MAP3K14: variants seen among roughly 807,000 people sequenced by gnomAD.
The protein encoded by MAP3K14 is NF-kappa-beta-inducing kinase.
Under a neutral mutation model 99.2 loss-of-function variants are expected in MAP3K14, and 16 were observed. The ratio of observed to expected loss-of-function variants is 0.16; its 90% CI spans 0.11 to 0.24. MAP3K14 has a LOEUF of 0.24. MAP3K14 is among the 10% of genes least tolerant of loss of function. The probability of loss-of-function intolerance (pLI) is 1.00; values close to 1 mark genes in which losing one functional copy is unlikely to be tolerated. For synonymous variants in MAP3K14, 462 were observed against 492.4 expected (o/e 0.94, Z 0.82); for missense variants, 784 against 1,208.7 (o/e 0.65, Z 5.21).
In MAP3K14 at chr17:45,272,422, C is replaced by A. The variant is rs189942744; in HGVS notation, c.1657+1081G>T. Among the ~76,000 whole-genome samples the A allele has an allele frequency of 6.6e-6, 1 of 152,258 alleles. No individual in the cohort carries two copies. The highest frequency in any genetic ancestry group is 1.9e-4 in the East Asian group (1 of 5,188). ...TATTTTAAAAGGGCTTAAAACAACA[C>A]GGGTGGAGGTCAAGTGTCCACATTC... On this transcript the variant is annotated intron_variant, in intron 9 of 15. Coordinates refer to ENST00000344686, the MANE Select transcript of MAP3K14 (RefSeq NM_003954.5). This position sits in a 1 kb window ranked among gnomAD's most constrained non-coding sequence, Gnocchi z 4.1.
intron 6 of MAP3K14, 90 bp from the exon 7 acceptor site, chr17:45,274,683 A>C: frequency 2.1e-6 from 3 of 1,459,328 alleles, no homozygotes; most frequent in Non-Finnish European, 2.8e-6. Context: ...TGCTCCACAC[A>C]CAGAGGCTGC....
At chr17:45,304,401 G>GT (rs1456995574) in intron 1 of MAP3K14, among the ~76,000 whole-genome samples, 1 of 151,962 alleles carries the variant, frequency 6.6e-6, no homozygotes, top group Non-Finnish European at 1.5e-5. Context: ...TCACTTATAC[G>GT]TAATAATGGA....
intron 1 of MAP3K14, among the ~76,000 whole-genome samples, chr17:45,308,854 G>A (rs2044449764): frequency 6.6e-6 from 1 of 152,086 alleles, no homozygotes; most frequent in Admixed American, 6.6e-5. Context: ...TTTTAGTAGA[G>A]ACGGGTCTCA....
At chr17:45,266,361 T>C (rs2044082332) in intron 14 of MAP3K14, 176 bp downstream of exon 14, 1 of 701,816 alleles carries the variant, frequency 1.4e-6, no homozygotes, top group South Asian at 2.1e-5. Context: ...TCATGGGTGA[T>C]TGGGACCTTT....
Position 45,287,299 on chromosome 17 carries a change from C to T in MAP3K14, c.392G>A (p.Arg131His), listed in dbSNP as rs368399230. The part of the protein sequence containing the change: ...VAHATEGKMA[R>H]VCWKGKRRSK... ...GCGACGCTTTCCCTTCCAACACACA[C>T]GGGCCATTTTGCCCTCTGTAGCATG... Residue 131 changes from arginine to histidine, a missense_variant, in exon 4 of 16, where the codon CGT (arginine) becomes CAT (histidine). By Grantham distance (29) the Arg-to-His change is conservative. Coordinates refer to ENST00000344686, the MANE Select transcript of MAP3K14 (RefSeq NM_003954.5). The T allele has an allele frequency of 9.1e-5, 147 of 1,614,058 alleles. No homozygotes were observed. The highest frequency in any genetic ancestry group is 4.4e-4 in the African/African-American group (33 of 75,062).
At chr17:45,284,326 A>G (rs955493661) in intron 6 of MAP3K14, among the ~76,000 whole-genome samples, 2 of 152,170 alleles carry the variant, frequency 1.3e-5, no homozygotes, top group African/African-American at 4.8e-5. Context: ...GGACTGTGGC[A>G]CGCCTGGCCA....
chr17:45,289,920 G>A (rs1046929848), intron 2 of MAP3K14, among the ~76,000 whole-genome samples: 3 of 152,176 alleles, frequency 2.0e-5, no homozygotes, highest in Non-Finnish European at 2.9e-5. Flanking sequence ...CCCAGGCCTC[G>A]TGGGAGTTTC....
chr17:45,293,560 A>G (rs1441563522), intron 1 of MAP3K14, among the ~76,000 whole-genome samples: 1 of 152,200 alleles, frequency 6.6e-6, no homozygotes, highest in Non-Finnish European at 1.5e-5. Context: ...GGCAGACAGT[A>G]ACAAGGAGGC....
Position 45,286,326 on chromosome 17 carries a change from CTGTT to C in MAP3K14, c.1152+101_1152+104del. On this transcript the variant is annotated intron_variant, in intron 5 of 15. Transcript: ENST00000344686. This position sits in a 1 kb window ranked among gnomAD's most constrained non-coding sequence, Gnocchi z 4.1. ...TTCATCCACAATGAGCACTGTCCTA[CTGTT>C]TGATTTGTCACCACAGGCAAGAGTG... is the stretch of plus-strand genomic sequence containing the variant. 1 of 1,321,890 alleles carries C rather than the reference CTGTT, an allele frequency of 7.6e-7. No homozygotes were observed. Among genetic ancestry groups the C allele is most frequent in the South Asian group, 1.5e-5 (1 of 64,948 alleles). The allele number at this position is 1,321,890 out of a possible 1,614,324, so 81.9% of individuals were successfully genotyped here.
At position 45,272,873 on chromosome 17, in the gene MAP3K14, G is replaced by C. The variant is rs1343965970; in HGVS notation, c.1657+630C>G. 6.6e-6 allele frequency among the ~76,000 whole-genome samples: 1 copy of C among 152,124 alleles called. No individual in the cohort carries two copies. The highest frequency in any genetic ancestry group is 1.5e-5 in the Non-Finnish European group (1 of 68,020). The stretch of plus-strand genomic sequence containing the variant: ...GAGAATTACTTGAACCCGGGAGGAG[G>C]AGGTTGCAGTGAGCTGAGATTGTGC... On this transcript the variant is annotated intron_variant, in intron 9 of 15. Coordinates refer to ENST00000344686, the MANE Select transcript of MAP3K14 (RefSeq NM_003954.5). The surrounding 1 kb of genome is among the most constrained non-coding windows in gnomAD (Gnocchi z 4.1).
intron 3 of MAP3K14, 96 bp downstream of exon 3, chr17:45,289,140 G>T: frequency 9.5e-7 from 1 of 1,055,388 alleles, no homozygotes; most frequent in Non-Finnish European, 1.4e-6. Flanking sequence ...GAGGGAGGGA[G>T]CCCGGGGTCA....
At chr17:45,314,581 G>A (rs1359829333) in intron 1 of MAP3K14, among the ~76,000 whole-genome samples, 2 of 150,546 alleles carry the variant, frequency 1.3e-5, no homozygotes, top group East Asian at 1.9e-4. Flanking sequence ...TATTAATCAC[G>A]AAAGCAGAAT....
rs181181294 is a variant in MAP3K14, at chr17:45,276,542, C to T, written c.1291-1949G>A. ...CTTTTTTTTTTTTGAGACAGAGTCT[C>T]GCTGTGTCGCCCAGGCTGGAGTGCA... On this transcript the variant is annotated intron_variant, in intron 6 of 15. Transcript: ENST00000344686. 2.8e-3 allele frequency among the ~76,000 whole-genome samples: 427 copies of T among 151,870 alleles called. 4 individuals carry two copies. The highest frequency in any genetic ancestry group is 1.0e-2 in the African/African-American group (413 of 41,432).
At chr17:45,291,187 C>T (rs2044307358) in intron 1 of MAP3K14, among the ~76,000 whole-genome samples, 1 of 152,148 alleles carries the variant, frequency 6.6e-6, no homozygotes, top group South Asian at 2.1e-4. Context: ...CCTCACTGAC[C>T]CCACATAAGC....
intron 6 of MAP3K14, chr17:45,282,197 A>C (rs952655257): frequency 1.3e-5 from 2 of 152,138 alleles, no homozygotes; most frequent in Non-Finnish European, 2.9e-5. Flanking sequence ...TCAGCCTCCC[A>C]AAGTACTGGG....
chr17:45,300,310 A>C (rs1435064663), intron 1 of MAP3K14, among the ~76,000 whole-genome samples: 2 of 152,094 alleles, frequency 1.3e-5, no homozygotes, highest in African/African-American at 4.8e-5. Flanking sequence ...ACCCACTTCC[A>C]GCTTCTCTCT....
At chr17:45,274,839 C>A (rs1314002829) in intron 6 of MAP3K14, among the ~76,000 whole-genome samples, 1 of 152,200 alleles carries the variant, frequency 6.6e-6, no homozygotes, top group Non-Finnish European at 1.5e-5. Context: ...AAAACAGCCA[C>A]ATAAAAACTA....
chr17:45,263,642 C>G lies in MAP3K14; in HGVS notation c.*994G>C, dbSNP rs553199002. The G allele has an allele frequency of 3.3e-5, 5 of 152,838 alleles. No homozygotes were observed. The highest frequency in any genetic ancestry group is 2.6e-4 in the Admixed American group (4 of 15,308). The allele number at this position is 152,838 out of a possible 1,614,324, so 9.5% of individuals were successfully genotyped here. A position where few individuals can be genotyped will look rare whatever the true frequency, so the allele number is the denominator to read the frequency against. The stretch of plus-strand genomic sequence containing the variant: ...AGTGCAAAGTGCCGTCGGCAGTACC[C>G]TCTGGCCAGGGGCAGGGCAGGGTGA... On this transcript the variant is annotated 3_prime_UTR_variant, in exon 16 of 16. Transcript: ENST00000344686.
At chr17:45,266,715 C>G in intron 13 of MAP3K14, 34 bp from the exon 14 acceptor site, 1 of 1,584,352 alleles carries the variant, frequency 6.3e-7, no homozygotes, top group Middle Eastern at 1.7e-4. Flanking sequence ...GGCTCAGGGC[C>G]CTGGGCTCCA....
Sources: allele counts gnomAD v4.1 joint callset (sites outside exome capture counted in the v4.1 genomes callset), GRCh38; gene constraint gnomAD v4.1.1; non-coding constraint Gnocchi (gnomAD v3.1); transcripts MANE v1.5; gene names NCBI Gene and HGNC (gene_info 2026-07-23, HGNC 2026-07-21).